The following DAAM1 variants were observed in gnomAD, a reference collection of about 807,000 sequenced individuals.
DAAM1 encodes disheveled-associated activator of morphogenesis 1.
A neutral mutation model predicts 130.0 loss-of-function variants in DAAM1; 52 were observed. The observed-to-expected ratio is 0.40, with a 90% CI of 0.32 to 0.50. The LOEUF is 0.50. Ranked by LOEUF, DAAM1 falls within the 20% of genes least tolerant of loss-of-function variation. The pLI is 0.61. For synonymous variants in DAAM1, 452 were observed against 444.5 expected, an observed-to-expected ratio of 1.02 and a Z score of -0.21; for missense variants, 1,134 against 1,303.8, an observed-to-expected ratio of 0.87 and a Z score of 2.01.
chr14:59,277,724 C>G (rs1883032615), intron 2 of DAAM1, among the ~76,000 whole-genome samples: 3 of 152,002 alleles, frequency 2.0e-5, no homozygotes, highest in Non-Finnish European at 2.9e-5. Flanking sequence ...AAAAAATTCT[C>G]TGACCAATGA....
rs61986059 is a variant in DAAM1, at chr14:59,291,592, G to A, written c.273+286G>A. ...CAAGACAAATTCCCCCCAACCCTGCGCTTTACATACCAGTCTGTATACAGG... is the reference window on the plus strand; with the variant it reads ...CAAGACAAATTCCCCCCAACCCTGCACTTTACATACCAGTCTGTATACAGG... On this transcript the variant is annotated intron_variant, in intron 3 of 24. Transcript: ENST00000360909. 5.4e-4 allele frequency: 189 copies of A among 349,372 alleles called. 1 individual carries two copies. The highest frequency in any genetic ancestry group is 1.6e-3 in the South Asian group (54 of 33,842). The allele number at this position is 349,372 out of a possible 1,614,324, so 21.6% of individuals were successfully genotyped here. A position where few individuals can be genotyped will look rare whatever the true frequency, so the allele number is the denominator to read the frequency against.
At chr14:59,220,547 C>A (rs1446733453) in intron 1 of DAAM1, among the ~76,000 whole-genome samples, 2 of 152,108 alleles carry the variant, frequency 1.3e-5, no homozygotes, top group Non-Finnish European at 2.9e-5. Context: ...GAAACAGGAC[C>A]AATAGGAAAT....
intron 16 of DAAM1, among the ~76,000 whole-genome samples, chr14:59,343,420 T>C (rs939363345): frequency 6.6e-6 from 1 of 152,168 alleles, no homozygotes. Flanking sequence ...TAGGAATGTT[T>C]CTATGTCAGC....
At chr14:59,346,821 T>A (rs1355188860) in intron 16 of DAAM1, among the ~76,000 whole-genome samples, 1 of 152,232 alleles carries the variant, frequency 6.6e-6, no homozygotes, top group Non-Finnish European at 1.5e-5. Context: ...TAGTAAATCA[T>A]TTATGTTGAT....
intron 1 of DAAM1, among the ~76,000 whole-genome samples, chr14:59,231,690 A>T (rs972496871): frequency 3.9e-5 from 6 of 152,140 alleles, no homozygotes; most frequent in Admixed American, 3.3e-4. Flanking sequence ...TAAAACTCAC[A>T]TCACCGGCTT....
chr14:59,310,422 C>A (rs887742317), intron 3 of DAAM1, among the ~76,000 whole-genome samples: 1 of 152,014 alleles, frequency 6.6e-6, no homozygotes, highest in African/African-American at 2.4e-5. Flanking sequence ...TGTGAGCCAC[C>A]GTGCCTGGCC....
intron 4 of DAAM1, among the ~76,000 whole-genome samples, chr14:59,316,815 A>G (rs1884811566): frequency 6.6e-6 from 1 of 152,224 alleles, no homozygotes; most frequent in Non-Finnish European, 1.5e-5. Flanking sequence ...TTAAATTTGC[A>G]TGTTTGTTAT....
At chr14:59,234,223 AGT>A (rs1889214122) in intron 1 of DAAM1, among the ~76,000 whole-genome samples, 1 of 152,190 alleles carries the variant, frequency 6.6e-6, no homozygotes, top group Non-Finnish European at 1.5e-5. Flanking sequence ...TACTTTGGAC[AGT>A]GTGGCCATTT....
Position 59,367,441 on chromosome 14 carries a change from G to A in DAAM1, c.2839G>A (p.Val947Met). 1 of 1,610,212 alleles carries A rather than the reference G, an allele frequency of 6.2e-7. No homozygotes were observed. Among genetic ancestry groups the A allele is most frequent in the Non-Finnish European group, 8.5e-7 (1 of 1,177,558 alleles). The change falls in exon 24 of 25, where the codon GTG becomes ATG. Residue 947 changes from valine (V) to methionine (M), a missense_variant. Coordinates refer to ENST00000360909, the MANE Select transcript of DAAM1 (RefSeq NM_001270520.2). ...AEAKDLFTKA[V>M]KHFGEEAGKI... ...ATCTTTTTCCTAGTTTACTAAAGCA[G>A]TGAAGCACTTTGGGGAAGAGGCTGG...
chr14:59,345,742 T>C (rs1347389910), intron 16 of DAAM1, among the ~76,000 whole-genome samples: 2 of 152,168 alleles, frequency 1.3e-5, no homozygotes, highest in Non-Finnish European at 2.9e-5. Context: ...CACACCTTTG[T>C]GTCTTGAGGA....
intron 10 of DAAM1, 52 bp from the exon 11 acceptor site, chr14:59,326,458 C>G (rs770689660): frequency 1.1e-5 from 17 of 1,537,992 alleles, no homozygotes; most frequent in Non-Finnish European, 1.4e-5. Flanking sequence ...AATATTCATC[C>G]TAGCTTAGAA....
intron 1 of DAAM1, among the ~76,000 whole-genome samples, chr14:59,209,644 G>A (rs564390304): frequency 2.6e-5 from 4 of 152,264 alleles, no homozygotes; most frequent in Middle Eastern, 3.4e-3. Flanking sequence ...CCCAATTGTA[G>A]GGTAATGTAA....
chr14:59,367,715 T>G, intron 24 of DAAM1, 116 bp downstream of exon 24: 1 of 1,347,688 alleles, frequency 7.4e-7, no homozygotes, highest in South Asian at 1.8e-5. Context: ...CAATGTACTC[T>G]CTAGAATGCT....
At chr14:59,309,220 C>A (rs1884484880) in intron 3 of DAAM1, among the ~76,000 whole-genome samples, 1 of 152,050 alleles carries the variant, frequency 6.6e-6, no homozygotes, top group African/African-American at 2.4e-5. Flanking sequence ...GAGTTGGGGG[C>A]AAATATCAGG....
At chr14:59,252,622 C>T (rs917573458) in intron 1 of DAAM1, among the ~76,000 whole-genome samples, 10 of 152,220 alleles carry the variant, frequency 6.6e-5, no homozygotes, top group Non-Finnish European at 1.0e-4. Context: ...TCTGCTGATA[C>T]ACACAGGAAT....
rs1245542160 is a variant in DAAM1 at position 59,363,737 on chromosome 14, C to T, written c.2781C>T (p.Phe927=). Residue 927 remains phenylalanine (F), a synonymous_variant, in exon 23 of 25, where the codon TTC becomes TTT. Transcript: ENST00000360909. ...GCCAGTTCATCACAGTAGCCAGCTT[C>T]AGCTTCTCTGATGTTGAAGACCTTC... ...VVSQFITVAS[F]SFSDVEDLLA... 6.2e-7 allele frequency: 1 copy of T among 1,614,126 alleles called. No homozygotes were observed. Among genetic ancestry groups the T allele is most frequent in the Admixed American group, 1.7e-5 (1 of 60,016 alleles).
intron 1 of DAAM1, among the ~76,000 whole-genome samples, chr14:59,262,138 T>G (rs1342323274): frequency 2.0e-5 from 3 of 152,130 alleles, no homozygotes; most frequent in African/African-American, 7.2e-5. Context: ...CCACTATTCT[T>G]AAAAAAGCAT....
At chr14:59,335,833 A>C (rs558253657) in intron 15 of DAAM1, among the ~76,000 whole-genome samples, 127 of 152,318 alleles carry the variant, frequency 8.3e-4, no homozygotes, top group Middle Eastern at 3.4e-3. Flanking sequence ...CATTTAGAGC[A>C]TTCAATGATA....
intron 1 of DAAM1, among the ~76,000 whole-genome samples, chr14:59,236,244 C>G (rs568235067): frequency 6.6e-6 from 1 of 151,864 alleles, no homozygotes; most frequent in Non-Finnish European, 1.5e-5. Flanking sequence ...AGTAGAATGA[C>G]TAGTTTTCTA....
Sources: allele counts gnomAD v4.1 joint callset (sites outside exome capture counted in the v4.1 genomes callset), GRCh38; gene constraint gnomAD v4.1.1; transcripts MANE v1.5; gene names NCBI Gene and HGNC (gene_info 2026-07-23, HGNC 2026-07-21).